Variants in ZFR observed in about 807,000 individuals in gnomAD.
ZFR encodes zinc finger RNA-binding protein.
A neutral mutation model predicts 130.7 loss-of-function variants in ZFR; 19 were observed. That is an observed-to-expected ratio of 0.15 (90% CI 0.10 to 0.21). The LOEUF is 0.21. Ranked by LOEUF, ZFR falls within the 10% of genes least tolerant of loss-of-function variation. The probability of loss-of-function intolerance (pLI) is 1.00; values close to 1 mark genes in which losing one functional copy is unlikely to be tolerated. For synonymous variants in ZFR, 466 were observed against 456.9 expected, an observed-to-expected ratio of 1.02 and a Z score of -0.25; for missense variants, 872 against 1,321.5, an observed-to-expected ratio of 0.66 and a Z score of 5.27.
chr5:32,358,207 A>G (rs2111644151), intron 19 of ZFR, among the ~76,000 whole-genome samples: 1 of 152,276 alleles, frequency 6.6e-6, no homozygotes. Flanking sequence ...AAATAGAAAA[A>G]TTAGCCGGGT....
At chr5:32,356,425 T>C (rs1012141792) in intron 19 of ZFR, among the ~76,000 whole-genome samples, 1 of 152,186 alleles carries the variant, frequency 6.6e-6, no homozygotes, top group African/African-American at 2.4e-5. Context: ...TTTTGTTTTG[T>C]TTTTTGAGAC....
chr5:32,356,402 TTCAGTA>T (rs1752308113), intron 19 of ZFR, among the ~76,000 whole-genome samples: 2 of 152,076 alleles, frequency 1.3e-5, no homozygotes, highest in Admixed American at 1.3e-4. Flanking sequence ...CTAGGCTGGT[TTCAGTA>T]TTTTTGTTTT....
At chr5:32,431,410 A>G (rs1057304478) in intron 2 of ZFR, among the ~76,000 whole-genome samples, 16 of 152,368 alleles carry the variant, frequency 1.1e-4, no homozygotes, top group Non-Finnish European at 1.9e-4. Context: ...TTCATGTTAA[A>G]TTTCTAGAGG....
chr5:32,444,726 C>T lies in ZFR; in HGVS notation c.-68G>A. 1 of 1,492,146 alleles carries T rather than the reference C, an allele frequency of 6.7e-7. No individual in the cohort carries two copies. Among genetic ancestry groups the T allele is most frequent in the Admixed American group, 2.4e-5 (1 of 40,840 alleles). 92.4% of individuals were successfully genotyped at this position (1,492,146 alleles called of 1,614,324 possible). On this transcript the variant is annotated 5_prime_UTR_variant, in exon 1 of 20. Coordinates refer to ENST00000265069, the MANE Select transcript of ZFR (RefSeq NM_016107.5). ...GCCTCCCTCCTCTGCCCCGCTCCTC[C>T]TCAGCGGAGAACAGACCGCCGCCTC... is the stretch of plus-strand genomic sequence containing the variant.
chr5:32,400,256 T>C, intron 8 of ZFR, 53 bp from the exon 9 acceptor site: 2 of 1,319,116 alleles, frequency 1.5e-6, no homozygotes, highest in Non-Finnish European at 2.0e-6. Flanking sequence ...TAAATATATA[T>C]ACCTGATAAG....
At chr5:32,376,399 C>A (rs530052979) in intron 17 of ZFR, among the ~76,000 whole-genome samples, 1 of 152,044 alleles carries the variant, frequency 6.6e-6, no homozygotes, top group Non-Finnish European at 1.5e-5. Context: ...ATAATCCCAG[C>A]ATTTTGGGAG....
At chr5:32,432,319 T>C (rs953543382) in intron 2 of ZFR, among the ~76,000 whole-genome samples, 3 of 152,100 alleles carry the variant, frequency 2.0e-5, no homozygotes, top group South Asian at 2.1e-4. Context: ...GAATAAAAAA[T>C]TGGGTTTACT....
chr5:32,424,532 CAA>C (rs575935210), intron 2 of ZFR, among the ~76,000 whole-genome samples: 12 of 62,642 alleles, frequency 1.9e-4, no homozygotes, highest in Admixed American at 1.7e-4. Context: ...GACTCCGTCT[CAA>C]AAAAAAAAAA....
intron 14 of ZFR, 32 bp from the exon 15 acceptor site, chr5:32,385,681 G>C: frequency 5.0e-6 from 8 of 1,608,724 alleles, no homozygotes; most frequent in Non-Finnish European, 6.8e-6. Context: ...AAACAAATTG[G>C]ATCTGTTGTA....
intron 2 of ZFR, among the ~76,000 whole-genome samples, chr5:32,430,079 CAAAAAAA>C (rs56163955): frequency 1.4e-4 from 10 of 70,314 alleles, no homozygotes; most frequent in East Asian, 9.0e-4. Context: ...GACCCTATTT[CAAAAAAA>C]AAAAAAAAAA....
intron 5 of ZFR, among the ~76,000 whole-genome samples, chr5:32,408,719 A>G (rs1294474919): frequency 6.6e-6 from 1 of 152,182 alleles, no homozygotes; most frequent in Non-Finnish European, 1.5e-5. Context: ...GTTTATAGAA[A>G]TTTTGTTTTA....
At chr5:32,443,895 C>T (rs910443346) in intron 2 of ZFR, among the ~76,000 whole-genome samples, 1 of 152,230 alleles carries the variant, frequency 6.6e-6, no homozygotes, top group African/African-American at 2.4e-5. Context: ...ACTGGGGGGC[C>T]TGCCGGGCGG....
At chr5:32,441,695 T>A (rs1051179057) in intron 2 of ZFR, among the ~76,000 whole-genome samples, 1 of 152,228 alleles carries the variant, frequency 6.6e-6, no homozygotes, top group Non-Finnish European at 1.5e-5. Flanking sequence ...ACCACACTTT[T>A]TGCATGTGCT....
intron 3 of ZFR, 88 bp downstream of exon 3, chr5:32,419,733 T>C (rs1039836630): frequency 4.7e-6 from 7 of 1,484,922 alleles, no homozygotes; most frequent in Non-Finnish European, 6.2e-6. Context: ...AGCCCCAAGT[T>C]TGAGAAGCAA....
chr5:32,374,221 T>G (rs1468931501), intron 17 of ZFR, among the ~76,000 whole-genome samples: 2 of 152,118 alleles, frequency 1.3e-5, no homozygotes, highest in African/African-American at 4.8e-5. Context: ...TTTTTAAAAT[T>G]TGGGACAGGC....
At chr5:32,426,772 A>G (rs903501619) in intron 2 of ZFR, among the ~76,000 whole-genome samples, 5 of 152,128 alleles carry the variant, frequency 3.3e-5, no homozygotes, top group African/African-American at 1.2e-4. Flanking sequence ...ACATGCTGGC[A>G]TGTGCCTGTA....
At position 32,363,959 on chromosome 5, in the gene ZFR, A is replaced by T. The variant is rs774984560; in HGVS notation, c.3034T>A (p.Ser1012Thr). 1 of 1,614,032 alleles carries T rather than the reference A, an allele frequency of 6.2e-7. No individual in the cohort carries two copies. Among genetic ancestry groups the T allele is most frequent in the Non-Finnish European group, 8.5e-7 (1 of 1,179,964 alleles). ...MTDQQREDIT[S>T]SAQFALRLLA... ...AGGAATACCAGTACCTGTGCACTGG[A>T]TGTGATGTCTTCACGCTGCTGGTCA... is the stretch of plus-strand genomic sequence containing the variant. Residue 1012 changes from serine (S) to threonine (T), a missense_variant, in exon 19 of 20, where the codon TCC becomes ACC. Ser to Thr is a moderately conservative substitution (Grantham distance 58). Around this residue, in one of 7 missense-constraint regions of ZFR, gnomAD observed 158 missense variants for 264.0 expected, o/e 0.60. Coordinates refer to ENST00000265069, the MANE Select transcript of ZFR (RefSeq NM_016107.5).
At chr5:32,394,118 T>A (rs1050983135) in intron 11 of ZFR, among the ~76,000 whole-genome samples, 8 of 152,238 alleles carry the variant, frequency 5.3e-5, no homozygotes, top group Non-Finnish European at 2.9e-5. Flanking sequence ...GTGTATGGTA[T>A]GTTTCTGCTA....
chr5:32,409,741 G>A (rs377685087), intron 5 of ZFR, among the ~76,000 whole-genome samples: 3 of 152,242 alleles, frequency 2.0e-5, no homozygotes, highest in South Asian at 4.1e-4. Context: ...TTGAATCCAT[G>A]GTTGCTGAAC....
Sources: allele counts gnomAD v4.1 joint callset (sites outside exome capture counted in the v4.1 genomes callset), GRCh38; gene constraint gnomAD v4.1.1; regional missense constraint gnomAD v4.1.1; transcripts MANE v1.5; gene names NCBI Gene and HGNC (gene_info 2026-07-23, HGNC 2026-07-21).